The following TP53I13 variants were observed in gnomAD, a reference collection of about 807,000 sequenced individuals.
TP53I13 encodes the protein tumor protein p53-inducible protein 13.
Under a neutral mutation model 39.1 loss-of-function variants are expected in TP53I13, and 27 were observed. That is an observed-to-expected ratio of 0.69 (90% CI 0.51 to 0.95). TP53I13 has a LOEUF of 0.95. Ranked by LOEUF, TP53I13 falls within the 40% of genes least tolerant of loss-of-function variation. The pLI, the probability that TP53I13 is intolerant of heterozygous loss-of-function variation, is 0.00. For missense variants in TP53I13, 544 were observed against 520.4 expected, an observed-to-expected ratio of 1.05 and a Z score of -0.44; for synonymous variants, 230 against 224.6, an observed-to-expected ratio of 1.02 and a Z score of -0.22.
At chr17:29,575,444 A>C, downstream of TP53I13, 1 of 1,610,486 alleles carries the variant, frequency 6.2e-7, no homozygotes, top group Non-Finnish European at 8.5e-7. The surrounding 1 kb of genome is among the most constrained non-coding windows in gnomAD (Gnocchi z 5.5). Context: ...CTCTTTGCCC[A>C]GCTCTAGAAA....
chr17:29,578,225 C>G, the TP53I13 span: 1 of 1,229,226 alleles, frequency 8.1e-7, no homozygotes, highest in South Asian at 1.2e-5. Context: ...CCTTCTTAGC[C>G]CAGTAAAGGA....
upstream of TP53I13, chr17:29,567,147 G>T (rs1278144612): frequency 5.4e-5 from 14 of 260,968 alleles, no homozygotes; most frequent in Non-Finnish European, 9.0e-5. This position sits in a 1 kb window ranked among gnomAD's most constrained non-coding sequence, Gnocchi z 6.6. Context: ...GCCCTCGCCC[G>T]CCCCCCACCC....
At chr17:29,567,862 A>T (rs993221233), upstream of TP53I13, among the ~76,000 whole-genome samples, 10 of 152,038 alleles carry the variant, frequency 6.6e-5, no homozygotes, top group African/African-American at 2.2e-4. The surrounding 1 kb of genome is among the most constrained non-coding windows in gnomAD (Gnocchi z 6.6). Flanking sequence ...GCTGTTTCCA[A>T]GCTTTGGGAT....
chr17:29,576,468 T>C, downstream of TP53I13: 2 of 1,612,930 alleles, frequency 1.2e-6, no homozygotes, highest in South Asian at 1.1e-5. Flanking sequence ...TGCAAAGTGC[T>C]GTCAACCCCC....
downstream of TP53I13, chr17:29,574,368 G>C: frequency 2.9e-6 from 1 of 349,150 alleles, no homozygotes; most frequent in Admixed American, 4.4e-5. Flanking sequence ...GCCCCACTTG[G>C]AGTGTCCCCA....
chr17:29,575,207 C>T, downstream of TP53I13: 1 of 1,554,502 alleles, frequency 6.4e-7, no homozygotes, highest in Non-Finnish European at 8.8e-7. The surrounding 1 kb of genome is among the most constrained non-coding windows in gnomAD (Gnocchi z 5.5). Context: ...GACAGCAGAA[C>T]CCAGGGCCCC....
downstream of TP53I13, chr17:29,575,269 C>G (rs768890171): frequency 1.9e-6 from 3 of 1,599,952 alleles, no homozygotes; most frequent in South Asian, 3.3e-5. The surrounding 1 kb of genome is among the most constrained non-coding windows in gnomAD (Gnocchi z 5.5). Context: ...TCCCCCTCAC[C>G]TCCCCCTCCA....
At chr17:29,566,800 G>T (rs1304926449), upstream of TP53I13, 4 of 1,514,038 alleles carry the variant, frequency 2.6e-6, no homozygotes, top group South Asian at 3.7e-5. Context: ...GAACTGGTCC[G>T]CCGGGCCTCC....
chr17:29,576,390 G>A (rs1210440879), downstream of TP53I13: 1 of 1,613,336 alleles, frequency 6.2e-7, no homozygotes, highest in Non-Finnish European at 8.5e-7. Flanking sequence ...GGGAGTGGAG[G>A]TGTGGGCACC....
At chr17:29,577,511 C>T, downstream of TP53I13, 1 of 729,004 alleles carries the variant, frequency 1.4e-6, no homozygotes, top group Non-Finnish European at 2.5e-6. Flanking sequence ...TTCCCAAATC[C>T]CAGTGCCAGC....
downstream of TP53I13, chr17:29,577,117 TC>T (rs1422917850): frequency 8.7e-6 from 14 of 1,609,822 alleles, no homozygotes; most frequent in Non-Finnish European, 1.2e-5. Flanking sequence ...TCCCACACCC[TC>T]CCACACAACC....
the TP53I13 span, chr17:29,581,215 T>A: frequency 2.7e-6 from 2 of 751,580 alleles, 1 homozygote; most frequent in South Asian, 2.9e-5. This position sits in a 1 kb window ranked among gnomAD's most constrained non-coding sequence, Gnocchi z 4.8. Flanking sequence ...AAGCTGTGCC[T>A]CTAGTCTCTG....
chr17:29,579,320 G>A, the TP53I13 span: 1 of 399,826 alleles, frequency 2.5e-6, no homozygotes, highest in Non-Finnish European at 4.6e-6. Flanking sequence ...CCTCCTTCTA[G>A]TTTTGTCCCT....
the TP53I13 span, chr17:29,581,849 G>T: frequency 6.2e-7 from 1 of 1,611,804 alleles, no homozygotes. This position sits in a 1 kb window ranked among gnomAD's most constrained non-coding sequence, Gnocchi z 4.8. Context: ...GTGAGGAGGG[G>T]GTATGGCTCA....
chr17:29,569,798 A>G, intron 3 of TP53I13: 1 of 160,510 alleles, frequency 6.2e-6, no homozygotes, highest in East Asian at 1.8e-4. Context: ...CGTGTACAGT[A>G]CAGAGCTGCA....
downstream of TP53I13, chr17:29,576,831 CAG>C (rs748620146): frequency 3.8e-6 from 6 of 1,578,674 alleles, no homozygotes; most frequent in South Asian, 2.3e-5. Flanking sequence ...GGTCAGGGCA[CAG>C]GGGAGTGGGA....
At chr17:29,572,082 G>C (rs201997027) in intron 5 of TP53I13, 25 bp downstream of exon 5, 1 of 1,612,222 alleles carries the variant, frequency 6.2e-7, no homozygotes, top group African/African-American at 1.3e-5. Flanking sequence ...GCCCAGGCTT[G>C]TTGGCCCTCG....
downstream of TP53I13, among the ~76,000 whole-genome samples, chr17:29,577,447 CG>C (rs1050854783): frequency 1.3e-5 from 2 of 152,106 alleles, no homozygotes; most frequent in Non-Finnish European, 2.9e-5. Flanking sequence ...GAGCAGAGGC[CG>C]GAACACCCAC....
Position 29,572,898 on chromosome 17 carries a change from G to A in TP53I13, c.1156G>A (p.Gly386Ser), listed in dbSNP as rs753337407. ...RPLLPPTPDS[G>S]PEGESSE ...CCTCCTCCCGCCCACGCCGGACAGCGGCCCGGAAGGCGAGAGCTCGGAGTG... is the reference window on the plus strand; with the variant it reads ...CCTCCTCCCGCCCACGCCGGACAGCAGCCCGGAAGGCGAGAGCTCGGAGTG... Residue 386 changes from glycine to serine, a missense_variant, in exon 7 of 7, where the codon GGC (glycine) becomes AGC (serine). By Grantham distance (56) the Gly-to-Ser change is moderately conservative (BLOSUM62 0). Coordinates refer to ENST00000301057, the MANE Select transcript of TP53I13 (RefSeq NM_138349.4). The A allele has an allele frequency of 6.6e-7, 1 of 1,509,566 alleles. No individual in the cohort carries two copies. Among genetic ancestry groups the A allele is most frequent in the African/African-American group, 1.4e-5 (1 of 69,880 alleles). 93.5% of individuals were successfully genotyped at this position (1,509,566 alleles called of 1,614,324 possible).
Sources: allele counts gnomAD v4.1 joint callset (sites outside exome capture counted in the v4.1 genomes callset), GRCh38; gene constraint gnomAD v4.1.1; non-coding constraint Gnocchi (gnomAD v3.1); transcripts MANE v1.5; gene names NCBI Gene and HGNC (gene_info 2026-07-23, HGNC 2026-07-21).